The following NHSL2 variants were observed in gnomAD, a reference collection of about 807,000 sequenced individuals.
NHSL2 encodes the protein NHS-like protein 2.
NHSL2 carries 27 observed loss-of-function variants against 53.4 expected under a neutral mutation model. The ratio of observed to expected loss-of-function variants is 0.51; its 90% CI spans 0.37 to 0.70. NHSL2 has a LOEUF of 0.70. Ranked by LOEUF, NHSL2 falls within the 30% of genes least tolerant of loss-of-function variation. The pLI is 0.00. For synonymous variants in NHSL2, 408 were observed against 404.1 expected (o/e 1.01, Z -0.12); for missense variants, 892 against 980.1 (o/e 0.91, Z 1.20).
chrX:71,922,889 A>G (rs1466392906), intron 1 of NHSL2, among the ~76,000 whole-genome samples: 1 of 112,580 alleles, frequency 8.9e-6, no homozygotes, highest in African/African-American at 3.2e-5. Flanking sequence ...ACCTCTTGGA[A>G]TAAAGAGTTA....
At chrX:71,925,954 A>G (rs2041682729) in intron 1 of NHSL2, among the ~76,000 whole-genome samples, 3 of 111,449 alleles carry the variant, frequency 2.7e-5, no homozygotes, top group Non-Finnish European at 5.6e-5. Flanking sequence ...ATCAGGGAGG[A>G]GATTTTGTTC....
At chrX:71,915,501 A>T (rs988464301) in intron 1 of NHSL2, among the ~76,000 whole-genome samples, 3 of 112,278 alleles carry the variant, frequency 2.7e-5, no homozygotes, top group African/African-American at 6.5e-5. Flanking sequence ...GCCTCCCCAT[A>T]TGTAATTCCA....
chrX:72,053,379 T>C (rs755091731), intron 1 of NHSL2, among the ~76,000 whole-genome samples: 5 of 112,122 alleles, frequency 4.5e-5, no homozygotes, highest in African/African-American at 1.6e-4. Context: ...CCTTATGACC[T>C]CTGGCACAGT....
intron 1 of NHSL2, among the ~76,000 whole-genome samples, chrX:72,030,718 A>G (rs1199545917): frequency 2.7e-5 from 3 of 111,991 alleles, no homozygotes; most frequent in Non-Finnish European, 3.8e-5. Flanking sequence ...GCTTTTGCCA[A>G]TTTTGTGGTA....
At chrX:72,067,842 C>T (rs762160807) in intron 1 of NHSL2, among the ~76,000 whole-genome samples, 1 of 112,031 alleles carries the variant, frequency 8.9e-6, no homozygotes, top group Non-Finnish European at 1.9e-5. Flanking sequence ...GCTGAGACAG[C>T]CTGAAGTCAG....
At chrX:72,011,625 T>G (rs370933959) in intron 1 of NHSL2, among the ~76,000 whole-genome samples, 1 of 110,956 alleles carries the variant, frequency 9.0e-6, no homozygotes, top group Admixed American at 9.5e-5. Context: ...AGCTGAGATC[T>G]TGCCACTGCA....
At chrX:72,013,533 CTTCT>C (rs1207565507) in intron 1 of NHSL2, among the ~76,000 whole-genome samples, 1 of 103,685 alleles carries the variant, frequency 9.6e-6, no homozygotes, top group Non-Finnish European at 1.9e-5. Context: ...TTTCTTTTTT[CTTCT>C]TTTTTTTTTT....
intron 1 of NHSL2, among the ~76,000 whole-genome samples, chrX:72,060,943 A>C (rs752390476): frequency 1.8e-5 from 2 of 113,012 alleles, no homozygotes; most frequent in Admixed American, 9.3e-5. Flanking sequence ...TTGGCAAGTC[A>C]CTTCCCCTGT....
At chrX:71,947,945 A>G (rs1602273231) in intron 1 of NHSL2, among the ~76,000 whole-genome samples, 1 of 111,576 alleles carries the variant, frequency 9.0e-6, no homozygotes, top group African/African-American at 3.3e-5. Context: ...GATGCAGTGT[A>G]CACTGCTCTG....
chrX:72,055,619 G>T (rs1190652299), intron 1 of NHSL2, among the ~76,000 whole-genome samples: 1 of 112,173 alleles, frequency 8.9e-6, no homozygotes, highest in Non-Finnish European at 1.9e-5. Flanking sequence ...GGAAGATGAG[G>T]CAGAGAGAAA....
At chrX:71,973,889 G>A (rs1321400508) in intron 1 of NHSL2, among the ~76,000 whole-genome samples, 3 of 111,200 alleles carry the variant, frequency 2.7e-5, no homozygotes, top group South Asian at 3.8e-4. Flanking sequence ...GCTGAAACCC[G>A]TAGACTTGGA....
chrX:72,130,710 G>C, intron 1 of NHSL2: 1 of 1,212,029 alleles, frequency 8.3e-7, no homozygotes, highest in Non-Finnish European at 1.1e-6. Flanking sequence ...ACAGGCCTTT[G>C]AGGAATTGGT....
chrX:71,957,820 G>A (rs1197234220), intron 1 of NHSL2, among the ~76,000 whole-genome samples: 1 of 111,137 alleles, frequency 9.0e-6, no homozygotes, highest in African/African-American at 3.3e-5. Context: ...AAGCACTGTA[G>A]GGGGTACAAC....
chrX:71,971,859 G>T (rs1006763287), intron 1 of NHSL2, among the ~76,000 whole-genome samples: 1 of 110,379 alleles, frequency 9.1e-6, no homozygotes, highest in Non-Finnish European at 1.9e-5. Context: ...GTTTGAGGCT[G>T]CATTGAGCTA....
chrX:72,102,254 C>A (rs2042000675), intron 1 of NHSL2, among the ~76,000 whole-genome samples: 1 of 112,247 alleles, frequency 8.9e-6, no homozygotes, highest in Admixed American at 9.4e-5. Flanking sequence ...ACCTGCTGAT[C>A]TCTCCCACTA....
At chrX:72,085,157 A>G (rs2041826321) in intron 1 of NHSL2, among the ~76,000 whole-genome samples, 1 of 111,184 alleles carries the variant, frequency 9.0e-6, no homozygotes. Flanking sequence ...TTTGCTTTAG[A>G]CCTCACTGCA....
At chrX:72,031,055 C>G (rs1403399843) in intron 1 of NHSL2, among the ~76,000 whole-genome samples, 1 of 111,803 alleles carries the variant, frequency 8.9e-6, no homozygotes, top group Non-Finnish European at 1.9e-5. Context: ...CATGAGTAAA[C>G]CATGGTTCTA....
chrX:71,931,104 G>A (rs993320199), intron 1 of NHSL2, among the ~76,000 whole-genome samples: 2 of 112,327 alleles, frequency 1.8e-5, no homozygotes, highest in African/African-American at 6.5e-5. Flanking sequence ...AGGGAGTGTG[G>A]AGTGGTATCT....
chrX:72,041,366 T>C (rs1405335874), intron 1 of NHSL2, among the ~76,000 whole-genome samples: 2 of 112,024 alleles, frequency 1.8e-5, no homozygotes, highest in African/African-American at 6.5e-5. Context: ...CTGCACCCTG[T>C]CTAAGGGAAC....
Sources: allele counts gnomAD v4.1 joint callset (sites outside exome capture counted in the v4.1 genomes callset), GRCh38; gene constraint gnomAD v4.1.1; transcripts MANE v1.5; gene names NCBI Gene and HGNC (gene_info 2026-07-23, HGNC 2026-07-21).